The following PIWIL1 variants were observed in gnomAD, a reference collection of about 807,000 sequenced individuals.
PIWIL1 encodes the protein piwi like RNA-mediated gene silencing 1, also known as piwi-like protein 1.
A neutral mutation model predicts 114.4 loss-of-function variants in PIWIL1; 73 were observed. The observed-to-expected ratio is 0.64, with a 90% confidence interval of 0.53 to 0.78. PIWIL1 has a LOEUF of 0.78. PIWIL1 is among the 30% of genes least tolerant of loss of function. PIWIL1 has a pLI of 0.00. For missense variants in PIWIL1, 723 were observed against 1,063.1 expected, an observed-to-expected ratio of 0.68 and a Z score of 4.45; for synonymous variants, 375 against 369.0, an observed-to-expected ratio of 1.02 and a Z score of -0.19.
At chr12:130,401,437 G>T in the PIWIL1 span, among the ~76,000 whole-genome samples, 1 of 151,920 alleles carries the variant, frequency 6.6e-6, no homozygotes. Flanking sequence ...ATTTTATGTA[G>T]ATTTTATCAC....
intron 14 of PIWIL1, among the ~76,000 whole-genome samples, chr12:130,358,585 G>A (rs2073427549): frequency 6.6e-6 from 1 of 152,088 alleles, no homozygotes; most frequent in East Asian, 1.9e-4. Context: ...CACTGTTGCT[G>A]CTGCCGCCAC....
intron 18 of PIWIL1, among the ~76,000 whole-genome samples, chr12:130,365,241 G>A (rs528352569): frequency 1.6e-4 from 25 of 152,342 alleles, no homozygotes; most frequent in African/African-American, 4.3e-4. Flanking sequence ...ACTGTGAACT[G>A]TGGCAGTAGG....
chr12:130,375,212 G>A (rs757581488), downstream of PIWIL1, among the ~76,000 whole-genome samples: 15 of 152,250 alleles, frequency 9.9e-5, no homozygotes, highest in Non-Finnish European at 1.5e-4. Context: ...AAAACACACC[G>A]GTGAAGTCCA....
chr12:130,393,444 G>A, the PIWIL1 span, among the ~76,000 whole-genome samples: 4 of 149,972 alleles, frequency 2.7e-5, no homozygotes, highest in Non-Finnish European at 5.9e-5. Context: ...ATGTTGTGAT[G>A]ACCCGGTCAC....
At chr12:130,339,054 T>G (rs1009714302) in intron 1 of PIWIL1, among the ~76,000 whole-genome samples, 1 of 151,924 alleles carries the variant, frequency 6.6e-6, no homozygotes, top group African/African-American at 2.4e-5. Flanking sequence ...CGGGGCGCGA[T>G]CTCTGCGGAG....
the PIWIL1 span, among the ~76,000 whole-genome samples, chr12:130,402,342 G>A: frequency 2.0e-5 from 3 of 151,994 alleles, no homozygotes; most frequent in Non-Finnish European, 4.4e-5. Flanking sequence ...GGTCAGAATC[G>A]AAGGCTCCCC....
the PIWIL1 span, among the ~76,000 whole-genome samples, chr12:130,402,751 G>C: frequency 2.0e-5 from 3 of 152,288 alleles, no homozygotes; most frequent in African/African-American, 7.2e-5. Flanking sequence ...AGTTTTCTCT[G>C]TGCCCCAGTC....
the PIWIL1 span, chr12:130,414,199 C>T: frequency 1.2e-5 from 19 of 1,614,030 alleles, no homozygotes; most frequent in Admixed American, 3.3e-5. Flanking sequence ...GTGAGCGGGT[C>T]GTAGTCAAAG....
the PIWIL1 span, among the ~76,000 whole-genome samples, chr12:130,380,898 C>T: frequency 6.6e-6 from 1 of 152,174 alleles, no homozygotes; most frequent in Admixed American, 6.5e-5. Flanking sequence ...AAAGTAGGCC[C>T]TAGGTAGAAC....
the PIWIL1 span, among the ~76,000 whole-genome samples, chr12:130,385,185 A>G: frequency 2.0e-5 from 3 of 152,168 alleles, no homozygotes; most frequent in Non-Finnish European, 1.5e-5. Flanking sequence ...ATGTTAATAT[A>G]TTTCTGCCCA....
chr12:130,350,353 C>T (rs1159124873), intron 9 of PIWIL1, among the ~76,000 whole-genome samples: 4 of 152,184 alleles, frequency 2.6e-5, no homozygotes, highest in Admixed American at 1.3e-4. Flanking sequence ...AATTAAAGAT[C>T]TTTGAACCTT....
intron 3 of PIWIL1, chr12:130,345,442 A>C (rs2073045011): frequency 4.8e-6 from 1 of 207,642 alleles, no homozygotes; most frequent in African/African-American, 2.3e-5. Flanking sequence ...CCAGTCAGCA[A>C]ACATATGCTC....
At chr12:130,397,297 G>A in the PIWIL1 span, 1 of 398,084 alleles carries the variant, frequency 2.5e-6, no homozygotes, top group Non-Finnish European at 4.4e-6. Context: ...CTTGAGTCAT[G>A]AAAGCCCTAG....
intron 3 of PIWIL1, among the ~76,000 whole-genome samples, chr12:130,345,124 G>A (rs886257664): frequency 7.2e-5 from 11 of 152,118 alleles, no homozygotes; most frequent in African/African-American, 2.7e-4. Flanking sequence ...AATAATTTAG[G>A]TTCTTATAAC....
chr12:130,340,570 T>C (rs2072883283), intron 1 of PIWIL1, among the ~76,000 whole-genome samples: 1 of 144,218 alleles, frequency 6.9e-6, no homozygotes, highest in African/African-American at 2.5e-5. Context: ...TGCGGCTCAC[T>C]TCCTGCTGTG....
At chr12:130,381,958 GGT>G in the PIWIL1 span, among the ~76,000 whole-genome samples, 1 of 152,154 alleles carries the variant, frequency 6.6e-6, no homozygotes, top group Non-Finnish European at 1.5e-5. Flanking sequence ...TCTGTGCTAA[GGT>G]ACCTGTTAAG....
At chr12:130,409,700 C>G in the PIWIL1 span, among the ~76,000 whole-genome samples, 1 of 152,224 alleles carries the variant, frequency 6.6e-6, no homozygotes, top group Non-Finnish European at 1.5e-5. Context: ...TGAGATTCAC[C>G]CCTGTCACTG....
chr12:130,340,651 GGAGGGGGGT>G (rs2072891742), intron 1 of PIWIL1, among the ~76,000 whole-genome samples: 1 of 118,604 alleles, frequency 8.4e-6, no homozygotes, highest in Non-Finnish European at 1.8e-5. Context: ...GGGGGTGGGG[GGAGGGGGGT>G]TGGTGGTGGT....
At chr12:130,358,832 G>A (rs893843385) in intron 14 of PIWIL1, among the ~76,000 whole-genome samples, 10 of 152,026 alleles carry the variant, frequency 6.6e-5, no homozygotes, top group Non-Finnish European at 1.5e-4. Context: ...TTCCTGTCGC[G>A]TCCCCAGCAC....
Sources: gnomAD v4.1 joint callset for allele counts (sites outside exome capture counted in the v4.1 genomes callset) on GRCh38, gnomAD v4.1.1 for gene constraint, MANE v1.5 for transcripts, NCBI Gene and HGNC (gene_info 2026-07-23, HGNC 2026-07-21) for gene names.